CCDC62: variants seen among roughly 807,000 people sequenced by gnomAD.
The protein encoded by CCDC62 is coiled-coil domain containing 62.
A neutral mutation model predicts 80.8 loss-of-function variants in CCDC62; 72 were observed. The ratio of observed to expected loss-of-function variants is 0.89; its 90% CI spans 0.74 to 1.08. The LOEUF (loss-of-function observed/expected upper bound fraction) is 1.08, where lower values mean the gene tolerates loss of function less well. Ranked by LOEUF, CCDC62 falls within the 50% of genes least tolerant of loss-of-function variation. CCDC62 has a pLI of 0.00. For missense variants in CCDC62, 704 were observed against 809.4 expected (o/e 0.87, Z 1.58); for synonymous variants, 286 against 296.5 (o/e 0.96, Z 0.36).
chr12:122,803,392 G>C (rs1423771685), intron 9 of CCDC62, among the ~76,000 whole-genome samples: 1 of 152,066 alleles, frequency 6.6e-6, no homozygotes, highest in Non-Finnish European at 1.5e-5. Context: ...CCTTATTCAG[G>C]CTTGTCTTAT....
At chr12:122,797,090 C>A (rs2031006351) in intron 6 of CCDC62, among the ~76,000 whole-genome samples, 1 of 152,010 alleles carries the variant, frequency 6.6e-6, no homozygotes, top group South Asian at 2.1e-4. Flanking sequence ...GTTGGCCAGG[C>A]CAGTCTCGAA....
At chr12:122,807,529 CAA>C (rs35131700) in intron 10 of CCDC62, among the ~76,000 whole-genome samples, 8 of 104,720 alleles carry the variant, frequency 7.6e-5, no homozygotes, top group East Asian at 2.8e-4. Flanking sequence ...GACTCTGTCT[CAA>C]AAAAAAAAAA....
intron 11 of CCDC62, among the ~76,000 whole-genome samples, chr12:122,817,850 G>C (rs2032232326): frequency 6.6e-6 from 1 of 152,088 alleles, no homozygotes; most frequent in South Asian, 2.1e-4. Context: ...GCCTCCATCA[G>C]AGTGCACGTC....
intron 8 of CCDC62, among the ~76,000 whole-genome samples, chr12:122,798,757 C>T (rs1293782862): frequency 6.7e-6 from 1 of 150,204 alleles, no homozygotes; most frequent in African/African-American, 2.5e-5. Flanking sequence ...CTCCAGCCTG[C>T]GTGACAAGAG....
At chr12:122,779,070 CAT>C (rs1453625269) in intron 2 of CCDC62, among the ~76,000 whole-genome samples, 2 of 152,084 alleles carry the variant, frequency 1.3e-5, no homozygotes, top group Non-Finnish European at 2.9e-5. Flanking sequence ...ACACATATAA[CAT>C]ATATAACCCA....
At position 122,801,864 on chromosome 12, in the gene CCDC62, T is replaced by G; in HGVS notation, c.1706+12T>G. On this transcript the variant is annotated intron_variant, in intron 9 of 12. Transcript: ENST00000253079. The stretch of plus-strand genomic sequence containing the variant: ...GACTCCCCGGCAAGGTGAGTAACGT[T>G]CACATCTGTAAACACCCACGGAGCA... 1 of 1,610,640 alleles carries G rather than the reference T, an allele frequency of 6.2e-7. No homozygotes were observed. Among genetic ancestry groups the G allele is most frequent in the Non-Finnish European group, 8.5e-7 (1 of 1,178,774 alleles).
intron 11 of CCDC62, among the ~76,000 whole-genome samples, chr12:122,817,908 G>A (rs918451222): frequency 1.3e-5 from 2 of 152,036 alleles, no homozygotes; most frequent in South Asian, 2.1e-4. Context: ...CACTGTGAAC[G>A]CCTCAGGACC....
At position 122,788,785 on chromosome 12, in the gene CCDC62, C is replaced by A; in HGVS notation, c.526C>A (p.His176Asn). 6.3e-7 allele frequency: 1 copy of A among 1,578,402 alleles called. No individual in the cohort carries two copies. The highest frequency in any genetic ancestry group is 1.2e-5 in the South Asian group (1 of 84,348). ...CAAAGATATTATTGAGGCAGTTAAT[C>A]ACATTGCAGATTGTTCGGGTAAATT... ...KDKDIIEAVN[H>N]IADCSGKFKM... Residue 176 changes from histidine to asparagine, a missense_variant, in exon 5 of 13, where the codon CAC (histidine) becomes AAC (asparagine). Coordinates refer to ENST00000253079, the MANE Select transcript of CCDC62 (RefSeq NM_201435.5).
At chr12:122,785,493 G>C (rs2030157164) in intron 3 of CCDC62, among the ~76,000 whole-genome samples, 1 of 152,184 alleles carries the variant, frequency 6.6e-6, no homozygotes, top group Non-Finnish European at 1.5e-5. Flanking sequence ...AGAATTAATA[G>C]AGAAATATAT....
At chr12:122,826,158 G>C (rs536018580) in intron 12 of CCDC62, among the ~76,000 whole-genome samples, 1 of 152,112 alleles carries the variant, frequency 6.6e-6, no homozygotes, top group South Asian at 2.1e-4. Flanking sequence ...CAGGCATTTC[G>C]GATCTTTTCA....
intron 10 of CCDC62, among the ~76,000 whole-genome samples, chr12:122,808,774 G>T (rs181466890): frequency 1.3e-4 from 20 of 152,216 alleles, no homozygotes; most frequent in African/African-American, 4.6e-4. Flanking sequence ...CAATCCTCCT[G>T]CCTCAGCCTC....
At chr12:122,806,067 T>G (rs945778452) in intron 9 of CCDC62, 84 bp from the exon 10 acceptor site, 50 of 1,266,490 alleles carry the variant, frequency 3.9e-5, no homozygotes, top group Non-Finnish European at 6.5e-6. Flanking sequence ...TATTTGTCCT[T>G]TTAAGATACT....
intron 10 of CCDC62, among the ~76,000 whole-genome samples, chr12:122,809,394 G>A (rs1194865928): frequency 1.3e-5 from 2 of 152,188 alleles, no homozygotes; most frequent in African/African-American, 4.8e-5. Context: ...AGAGGTTGAC[G>A]TGGAAGAATC....
chr12:122,786,007 G>A (rs1042926443), intron 4 of CCDC62, among the ~76,000 whole-genome samples, 187 bp downstream of exon 4: 18 of 152,330 alleles, frequency 1.2e-4, no homozygotes, highest in Non-Finnish European at 2.4e-4. Flanking sequence ...ATGAAGAAAG[G>A]AGGCAGGACT....
chr12:122,803,279 A>T (rs542882495), intron 9 of CCDC62, among the ~76,000 whole-genome samples: 2 of 152,270 alleles, frequency 1.3e-5, no homozygotes, highest in South Asian at 4.1e-4. Flanking sequence ...GACTTTCTTA[A>T]TTTTTGAAAA....
At chr12:122,822,020 G>A (rs1294976859) in intron 11 of CCDC62, among the ~76,000 whole-genome samples, 1 of 145,780 alleles carries the variant, frequency 6.9e-6, no homozygotes, top group African/African-American at 2.5e-5. Flanking sequence ...CGTGAAGCCA[G>A]GAATGGGCAA....
At chr12:122,786,179 G>A (rs1380308869) in intron 4 of CCDC62, among the ~76,000 whole-genome samples, 1 of 152,004 alleles carries the variant, frequency 6.6e-6, no homozygotes, top group Non-Finnish European at 1.5e-5. Context: ...ACGGAGTCTC[G>A]CTCTGTGGCC....
chr12:122,795,697 T>A (rs1161515821), intron 6 of CCDC62, among the ~76,000 whole-genome samples: 1 of 152,230 alleles, frequency 6.6e-6, no homozygotes, highest in Admixed American at 6.5e-5. Flanking sequence ...GTGCTGGGAT[T>A]ACAGGCGTGT....
At chr12:122,815,510 G>A (rs575690722) in intron 11 of CCDC62, among the ~76,000 whole-genome samples, 88 of 151,616 alleles carry the variant, frequency 5.8e-4, no homozygotes, top group African/African-American at 1.9e-3. Flanking sequence ...CCAGTGGCGC[G>A]ATCTCGGCTC....
Sources: allele counts gnomAD v4.1 joint callset (sites outside exome capture counted in the v4.1 genomes callset), GRCh38; gene constraint gnomAD v4.1.1; transcripts MANE v1.5; gene names NCBI Gene and HGNC (gene_info 2026-07-23, HGNC 2026-07-21).